TENM3: variants seen among roughly 807,000 people sequenced by gnomAD.
TENM3 encodes teneurin transmembrane protein 3.
In TENM3, 63 loss-of-function variants were observed where a neutral mutation model predicts 255.1. The observed-to-expected ratio is 0.25, with a 90% CI of 0.20 to 0.30. The LOEUF (loss-of-function observed/expected upper bound fraction) is 0.30. TENM3 is among the 10% of genes least tolerant of loss of function. The probability of loss-of-function intolerance (pLI) is 1.00; values close to 1 mark genes in which losing one functional copy is unlikely to be tolerated. For synonymous variants in TENM3, 1,306 were observed against 1,322.3 expected (o/e 0.99, Z 0.27); for missense variants, 2,929 against 3,461.1 (o/e 0.85, Z 3.86).
chr4:182,601,123 C>G lies in TENM3; in HGVS notation c.711C>G (p.Asp237Glu). The change falls in exon 4 of 28, where the codon GAC becomes GAG. Residue 237 changes from aspartate to glutamate, a missense_variant. Physicochemically the swap from Asp to Glu is conservative, Grantham distance 45. Around this residue, in one of 6 missense-constraint regions of TENM3, gnomAD observed 1,608 missense variants for 1,884.4 expected, o/e 0.85. Transcript: ENST00000511685. ...CACCCGAGTCCGTCCAGCTGCAGGA[C>G]AGCTGGGTCCTTGGCAGTAATGTAC... The part of the protein sequence containing the change: ...QTTPESVQLQ[D>E]SWVLGSNVPL... 1 of 1,613,868 alleles carries G rather than the reference C, an allele frequency of 6.2e-7. No individual in the cohort carries two copies. The highest frequency in any genetic ancestry group is 8.5e-7 in the Non-Finnish European group (1 of 1,179,852).
At chr4:181,610,216 T>C in the TENM3 span, among the ~76,000 whole-genome samples, 1 of 152,286 alleles carries the variant, frequency 6.6e-6, no homozygotes, top group Admixed American at 6.5e-5. Context: ...ACACACCCTG[T>C]ATGTTTGCAT....
chr4:181,978,609 G>A, the TENM3 span, among the ~76,000 whole-genome samples: 23 of 149,070 alleles, frequency 1.5e-4, no homozygotes, highest in Admixed American at 2.7e-4. Flanking sequence ...ATGGTGCCAC[G>A]GCACTCCAGC....
At chr4:182,151,443 T>C (rs1750346421) in intron 1 of TENM3, among the ~76,000 whole-genome samples, 1 of 152,126 alleles carries the variant, frequency 6.6e-6, no homozygotes, top group Non-Finnish European at 1.5e-5. Context: ...ATTTGGAATT[T>C]GTCAACACGT....
chr4:181,637,349 C>G, the TENM3 span, among the ~76,000 whole-genome samples: 1 of 152,210 alleles, frequency 6.6e-6, no homozygotes, highest in Non-Finnish European at 1.5e-5. Flanking sequence ...TTGGCTCCCC[C>G]AGCAACTCCG....
the TENM3 span, among the ~76,000 whole-genome samples, chr4:182,015,314 T>G: frequency 6.6e-6 from 1 of 152,164 alleles, no homozygotes; most frequent in African/African-American, 2.4e-5. Context: ...GGCAGCCAGG[T>G]GGTCATACAG....
At chr4:181,799,433 G>A in the TENM3 span, among the ~76,000 whole-genome samples, 1 of 152,190 alleles carries the variant, frequency 6.6e-6, no homozygotes, top group Non-Finnish European at 1.5e-5. Flanking sequence ...ATAATTTAAA[G>A]CTACTGAAAT....
chr4:182,515,831 T>G (rs920965338), intron 3 of TENM3, among the ~76,000 whole-genome samples: 34 of 152,352 alleles, frequency 2.2e-4, no homozygotes, highest in Middle Eastern at 3.4e-3. Flanking sequence ...AATACCCATT[T>G]AAAAGGTTTA....
chr4:182,561,973 T>TAGATAGAC (rs1466836296), intron 3 of TENM3, among the ~76,000 whole-genome samples: 2 of 140,838 alleles, frequency 1.4e-5, no homozygotes, highest in Non-Finnish European at 3.1e-5. Flanking sequence ...TATATCCAGA[T>TAGATAGAC]AGATAGATAG....
chr4:181,685,249 G>A, the TENM3 span, among the ~76,000 whole-genome samples: 1 of 152,024 alleles, frequency 6.6e-6, no homozygotes, highest in South Asian at 2.1e-4. Flanking sequence ...TGCTCATTTA[G>A]TCCTAATGTT....
chr4:182,409,776 T>A (rs951329996), intron 3 of TENM3, among the ~76,000 whole-genome samples: 9 of 152,174 alleles, frequency 5.9e-5, no homozygotes, highest in African/African-American at 2.2e-4. Context: ...CTCAAAAACA[T>A]CTATATGATT....
intron 12 of TENM3, among the ~76,000 whole-genome samples, chr4:182,703,708 T>C (rs972908784): frequency 6.6e-6 from 1 of 152,246 alleles, no homozygotes; most frequent in Non-Finnish European, 1.5e-5. Flanking sequence ...TTAAAAGGAT[T>C]GTTCAGTTTT....
the TENM3 span, among the ~76,000 whole-genome samples, chr4:181,540,306 A>T: frequency 6.6e-6 from 1 of 152,222 alleles, no homozygotes; most frequent in Non-Finnish European, 1.5e-5. Context: ...ATATAAGCAC[A>T]TAATTCAATA....
At chr4:181,878,544 C>T in the TENM3 span, among the ~76,000 whole-genome samples, 2 of 152,090 alleles carry the variant, frequency 1.3e-5, no homozygotes, top group African/African-American at 4.8e-5. Flanking sequence ...TCTTTATTTC[C>T]ACACTTGTAA....
the TENM3 span, among the ~76,000 whole-genome samples, chr4:182,034,707 A>C: frequency 6.6e-6 from 1 of 152,168 alleles, no homozygotes; most frequent in Non-Finnish European, 1.5e-5. Flanking sequence ...GTTGAATATC[A>C]GCCCCCAATA....
chr4:181,766,420 G>GA, the TENM3 span, among the ~76,000 whole-genome samples: 23,877 of 151,968 alleles, frequency 0.16, 2,601 homozygotes, highest in Admixed American at 0.34. Flanking sequence ...AAGCAGCAGT[G>GA]AAAAAAATTA....
At chr4:181,530,505 C>T in the TENM3 span, among the ~76,000 whole-genome samples, 1 of 152,148 alleles carries the variant, frequency 6.6e-6, no homozygotes. Flanking sequence ...TTCACCCTAA[C>T]AAATCAAGCT....
intron 3 of TENM3, among the ~76,000 whole-genome samples, chr4:182,540,389 A>G (rs542714526): frequency 1.5e-4 from 23 of 152,192 alleles, no homozygotes; most frequent in Non-Finnish European, 2.2e-4. Context: ...CAGGAGTTTG[A>G]GACCAGCCTG....
intron 3 of TENM3, among the ~76,000 whole-genome samples, chr4:182,437,281 A>T (rs889134578): frequency 2.0e-5 from 3 of 152,222 alleles, no homozygotes; most frequent in African/African-American, 7.2e-5. Context: ...CTGTAATTTT[A>T]TAGTGGATAG....
the TENM3 span, among the ~76,000 whole-genome samples, chr4:181,584,088 T>C: frequency 2.6e-5 from 4 of 152,208 alleles, no homozygotes; most frequent in African/African-American, 9.6e-5. Context: ...GCATATTACA[T>C]GAGTAGCACT....
Sources: allele counts gnomAD v4.1 joint callset (sites outside exome capture counted in the v4.1 genomes callset), GRCh38; gene constraint gnomAD v4.1.1; regional missense constraint gnomAD v4.1.1; transcripts MANE v1.5; gene names NCBI Gene and HGNC (gene_info 2026-07-23, HGNC 2026-07-21).